The following APC variants were observed in gnomAD, a reference collection of about 807,000 sequenced individuals.
APC encodes APC regulator of Wnt signaling pathway.
APC carries 72 observed loss-of-function variants against 247.0 expected under a neutral mutation model. The observed-to-expected ratio is 0.29, with a 90% confidence interval of 0.24 to 0.35. The LOEUF (loss-of-function observed/expected upper bound fraction) is 0.35, where lower values mean the gene tolerates loss of function less well. APC is among the 10% of genes least tolerant of loss of function. The probability of loss-of-function intolerance (pLI) is 1.00; values close to 1 mark genes in which losing one functional copy is unlikely to be tolerated. For missense variants in APC, 3,400 were observed against 3,360.7 expected (o/e 1.01, Z -0.29); for synonymous variants, 1,254 against 1,162.5 (o/e 1.08, Z -1.60).
chr5:112,725,691 G>T (rs1307817298), intron 1 of APC, among the ~76,000 whole-genome samples: 1 of 152,056 alleles, frequency 6.6e-6, no homozygotes, highest in Non-Finnish European at 1.5e-5. Flanking sequence ...AGCCCAGGAG[G>T]TTGAGTCTGC....
intron 1 of APC, among the ~76,000 whole-genome samples, chr5:112,751,635 G>T (rs959383321): frequency 6.6e-6 from 1 of 151,776 alleles, no homozygotes; most frequent in Non-Finnish European, 1.5e-5. Context: ...ATAAATGAAT[G>T]ATTTCTGTAT....
At chr5:112,818,095 C>T (rs1762690942) in intron 9 of APC, among the ~76,000 whole-genome samples, 1 of 152,180 alleles carries the variant, frequency 6.6e-6, no homozygotes, top group Non-Finnish European at 1.5e-5. Flanking sequence ...ACAATTGTGA[C>T]AACCAAAAAT....
At chr5:112,796,176 A>T (rs1415613630) in intron 7 of APC, among the ~76,000 whole-genome samples, 1 of 152,234 alleles carries the variant, frequency 6.6e-6, no homozygotes, top group African/African-American at 2.4e-5. Context: ...TCTGCCAGCT[A>T]TGATTAGAAT....
intron 1 of APC, among the ~76,000 whole-genome samples, chr5:112,740,991 C>T (rs913421284): frequency 6.6e-6 from 1 of 152,020 alleles, no homozygotes; most frequent in Admixed American, 6.6e-5. Context: ...CTCCCTTCTC[C>T]CCCTTTTCTT....
At chr5:112,756,420 C>T (rs1330907988) in intron 2 of APC, among the ~76,000 whole-genome samples, 1 of 152,156 alleles carries the variant, frequency 6.6e-6, no homozygotes, top group Non-Finnish European at 1.5e-5. Context: ...GCATTAGTTG[C>T]CTAACAGGTT....
chr5:112,709,000 C>T (rs924007997), intron 1 of APC, among the ~76,000 whole-genome samples: 2 of 152,126 alleles, frequency 1.3e-5, no homozygotes, highest in Admixed American at 6.5e-5. Context: ...TTCCATCTTT[C>T]CCTGGATGGA....
chr5:112,731,322 T>C (rs1011533806), intron 1 of APC, among the ~76,000 whole-genome samples: 2 of 152,312 alleles, frequency 1.3e-5, no homozygotes, highest in South Asian at 4.1e-4. Context: ...GGGTAATTTA[T>C]AATGAACAGA....
Position 112,775,681 on chromosome 5 carries a change from T to TA in APC, c.476dup (p.Tyr159Ter), listed in dbSNP as rs878853451. Residue 159 changes from tyrosine to a stop codon, truncating the protein, a stop_gained and frameshift_variant, in exon 5 of 16, where the codon TAC becomes TAAC. Coordinates refer to ENST00000257430, the MANE Select transcript of APC (RefSeq NM_000038.6). LOFTEE classifies it high-confidence loss of function. ...DKEEKEKDWY[Y>*]AQLQNLTKRI... ...AGAAGAAAAGGAAAAAGACTGGTAT[T>TA]ACGCTCAACTTCAGAATCTCACTAA... The TA allele has an allele frequency of 6.2e-7, 1 of 1,608,648 alleles. No individual in the cohort carries two copies. The highest frequency in any genetic ancestry group is 1.1e-5 in the South Asian group (1 of 89,290).
intron 6 of APC, 149 bp downstream of exon 6, chr5:112,781,052 C>A: frequency 1.5e-6 from 1 of 679,766 alleles, no homozygotes; most frequent in Non-Finnish European, 2.7e-6. Context: ...ATCATGGCTG[C>A]TGAGCAACAT....
Position 112,841,169 on chromosome 5 carries a change from A to C in APC, c.5575A>C (p.Asn1859His). ...IEGTPYCFSR[N>H]DSLSSLDFDD... is the part of the protein sequence containing the mutation. ...AGGAACTCCTTACTGTTTTTCACGA[A>C]ATGATTCTTTGAGTTCTCTAGATTT... Residue 1859 changes from asparagine (N) to histidine (H), a missense_variant, in exon 16 of 16, where the codon AAT becomes CAT. Around this residue, in one of 9 missense-constraint regions of APC, gnomAD observed 1,788 missense variants for 1,649.5 expected, o/e 1.08. Coordinates refer to ENST00000257430, the MANE Select transcript of APC (RefSeq NM_000038.6). The surrounding 1 kb of genome is among the most constrained non-coding windows in gnomAD (Gnocchi z 4.6). 6.2e-7 allele frequency: 1 copy of C among 1,613,974 alleles called. No individual in the cohort carries two copies. Among genetic ancestry groups the C allele is most frequent in the Non-Finnish European group, 8.5e-7 (1 of 1,179,878 alleles).
chr5:112,784,238 T>G (rs1227512124), intron 6 of APC, among the ~76,000 whole-genome samples: 1 of 152,170 alleles, frequency 6.6e-6, no homozygotes, highest in Non-Finnish European at 1.5e-5. Context: ...CAGCTAATTT[T>G]TGTATTTTTA....
chr5:112,824,560 A>T (rs1041470974), intron 11 of APC, among the ~76,000 whole-genome samples: 1 of 152,138 alleles, frequency 6.6e-6, no homozygotes, highest in Non-Finnish European at 1.5e-5. Context: ...GTTTTTCCAT[A>T]CAAGAGTACT....
chr5:112,744,480 G>C (rs1295415744), intron 1 of APC, among the ~76,000 whole-genome samples: 1 of 152,188 alleles, frequency 6.6e-6, no homozygotes, highest in Non-Finnish European at 1.5e-5. Context: ...CAGCTGGGAA[G>C]ACAAAACACC....
chr5:112,764,830 A>C (rs189939368), intron 2 of APC, among the ~76,000 whole-genome samples: 64 of 152,346 alleles, frequency 4.2e-4, no homozygotes, highest in Non-Finnish European at 7.6e-4. Context: ...GTAGTCTCCA[A>C]TGAGAGTTCT....
intron 1 of APC, among the ~76,000 whole-genome samples, chr5:112,728,030 G>A (rs970195426): frequency 1.3e-5 from 2 of 151,164 alleles, no homozygotes; most frequent in African/African-American, 2.4e-5. Flanking sequence ...CTTTGAATGC[G>A]GCCCAACACA....
chr5:112,814,039 T>C (rs755732132), intron 8 of APC, among the ~76,000 whole-genome samples: 6 of 152,186 alleles, frequency 3.9e-5, no homozygotes, highest in Non-Finnish European at 7.3e-5. Context: ...TCAACAAATA[T>C]TCTGTGGATA....
At chr5:112,768,415 T>C (rs1267653278) in intron 4 of APC, among the ~76,000 whole-genome samples, 1 of 151,464 alleles carries the variant, frequency 6.6e-6, no homozygotes, top group African/African-American at 2.4e-5. Context: ...GAATTTCTGA[T>C]TATCTATTGA....
chr5:112,773,036 G>A (rs1267192405), intron 4 of APC, among the ~76,000 whole-genome samples: 1 of 152,164 alleles, frequency 6.6e-6, no homozygotes, highest in Non-Finnish European at 1.5e-5. Context: ...TGTTCCTGTT[G>A]TCAGAAATCG....
At chr5:112,748,259 A>G (rs74369892) in intron 1 of APC, among the ~76,000 whole-genome samples, 1,678 of 152,174 alleles carry the variant, frequency 0.011, 23 homozygotes, top group Non-Finnish European at 0.013. Context: ...GAATATCACC[A>G]CCTAATGGGG....
Sources: allele counts gnomAD v4.1 joint callset (sites outside exome capture counted in the v4.1 genomes callset), GRCh38; gene constraint gnomAD v4.1.1; regional missense constraint gnomAD v4.1.1; non-coding constraint Gnocchi (gnomAD v3.1); transcripts MANE v1.5; gene names NCBI Gene and HGNC (gene_info 2026-07-23, HGNC 2026-07-21).